Variants in ITCH observed in about 807,000 individuals in gnomAD.
ITCH encodes itchy E3 ubiquitin protein ligase.
A neutral mutation model predicts 126.8 loss-of-function variants in ITCH; 28 were observed. The ratio of observed to expected loss-of-function variants is 0.22; its 90% confidence interval spans 0.16 to 0.30. ITCH has a LOEUF of 0.30. Ranked by LOEUF, ITCH falls within the 10% of genes least tolerant of loss-of-function variation. The pLI is 1.00. For missense variants in ITCH, 631 were observed against 1,032.4 expected (o/e 0.61, Z 5.33); for synonymous variants, 342 against 340.0 (o/e 1.01, Z -0.06).
At chr20:34,462,532 G>A (rs1027261198) in intron 14 of ITCH, among the ~76,000 whole-genome samples, 2 of 152,048 alleles carry the variant, frequency 1.3e-5, no homozygotes, top group African/African-American at 2.4e-5. Flanking sequence ...ACTTTTTGAC[G>A]TTAAAAAAGC....
At chr20:34,368,446 T>G (rs1343143041) in intron 1 of ITCH, among the ~76,000 whole-genome samples, 2 of 151,914 alleles carry the variant, frequency 1.3e-5, no homozygotes, top group African/African-American at 4.8e-5. Context: ...TTTATAGTAC[T>G]TAGCCAAATT....
intron 2 of ITCH, among the ~76,000 whole-genome samples, chr20:34,382,685 G>A (rs1172567730): frequency 2.0e-5 from 3 of 150,996 alleles, no homozygotes; most frequent in Non-Finnish European, 2.9e-5. Flanking sequence ...TGGGATTATA[G>A]GTGTGAGCCA....
chr20:34,505,241 G>A (rs1324813678), intron 24 of ITCH, among the ~76,000 whole-genome samples: 1 of 152,032 alleles, frequency 6.6e-6, no homozygotes, highest in African/African-American at 2.4e-5. Context: ...ATGGGGTTTC[G>A]CCATGTTGGT....
chr20:34,499,637 C>A (rs75119639), intron 23 of ITCH, among the ~76,000 whole-genome samples: 1 of 146,664 alleles, frequency 6.8e-6, no homozygotes, highest in Admixed American at 6.8e-5. Context: ...AAAAAAAAAA[C>A]AACTTTTCAT....
At chr20:34,467,306 A>G (rs974284820) in intron 14 of ITCH, among the ~76,000 whole-genome samples, 1 of 152,186 alleles carries the variant, frequency 6.6e-6, no homozygotes, top group Non-Finnish European at 1.5e-5. Flanking sequence ...AGGTGGGCAG[A>G]TCACTTGAGC....
intron 3 of ITCH, among the ~76,000 whole-genome samples, chr20:34,395,198 A>C (rs907377296): frequency 1.3e-5 from 2 of 148,896 alleles, no homozygotes; most frequent in Non-Finnish European, 3.0e-5. Flanking sequence ...ATGCCATTGC[A>C]CTCCAGCCTG....
intron 23 of ITCH, among the ~76,000 whole-genome samples, chr20:34,499,617 A>C (rs1473239229): frequency 2.6e-5 from 2 of 77,560 alleles, no homozygotes; most frequent in Admixed American, 9.2e-5. Context: ...AATTTTGTTT[A>C]TCCTTTCAGA....
At position 34,418,757 on chromosome 20, in the gene ITCH, CTTTTT is replaced by C. The variant is rs373974620; in HGVS notation, c.475+4893_475+4897del. On this transcript the variant is annotated intron_variant, in intron 6 of 24. Coordinates refer to ENST00000374864, the MANE Select transcript of ITCH (RefSeq NM_031483.7). The stretch of plus-strand genomic sequence containing the variant: ...TCCTTTCTTTCTTTTTCTTTTTTTC[CTTTTT>C]TTTTTTTTTTTTTTGTGAGACGGGG... Among the ~76,000 whole-genome samples, 45 of 116,524 alleles carry C rather than the reference CTTTTT, an allele frequency of 3.9e-4. No individual in the cohort carries two copies. The South Asian group carries it at 4.7e-3, about 12-fold the overall frequency. 76.4% of individuals were successfully genotyped at this position (116,524 alleles called of 152,430 possible).
chr20:34,407,682 T>A (rs1168064657), intron 3 of ITCH, among the ~76,000 whole-genome samples: 1 of 152,174 alleles, frequency 6.6e-6, no homozygotes, highest in East Asian at 1.9e-4. Flanking sequence ...CTCATTTGCC[T>A]CTCTCTGGAA....
intron 3 of ITCH, 103 bp from the exon 4 acceptor site, chr20:34,408,548 C>T: frequency 1.8e-6 from 2 of 1,092,188 alleles, no homozygotes; most frequent in Non-Finnish European, 2.7e-6. Flanking sequence ...AAAACTGCTT[C>T]TCTGAGTAAA....
At chr20:34,394,956 GCACGGTGGCTCA>G (rs1223165495) in intron 3 of ITCH, among the ~76,000 whole-genome samples, 1 of 152,092 alleles carries the variant, frequency 6.6e-6, no homozygotes, top group African/African-American at 2.4e-5. Flanking sequence ...AGTCAGCCAG[GCACGGTGGCTCA>G]CACCTGTAAT....
intron 13 of ITCH, among the ~76,000 whole-genome samples, chr20:34,458,259 TCTG>T (rs1384813664): frequency 1.3e-5 from 2 of 152,140 alleles, no homozygotes; most frequent in Non-Finnish European, 2.9e-5. Context: ...TAAAAAATAT[TCTG>T]TTGTTGTTGC....
chr20:34,503,887 T>TG (rs1569012995), intron 23 of ITCH, among the ~76,000 whole-genome samples: 2 of 142,308 alleles, frequency 1.4e-5, no homozygotes, highest in African/African-American at 5.3e-5. Flanking sequence ...TTTTTTTGGT[T>TG]TTTTTTTTTT....
At position 34,426,551 on chromosome 20, in the gene ITCH, T is replaced by C. The variant is rs1205930297; in HGVS notation, c.521+2026T>C. On this transcript the variant is annotated intron_variant, in intron 7 of 24. Coordinates refer to ENST00000374864, the MANE Select transcript of ITCH (RefSeq NM_031483.7). ...ACCTCCATCTCCCGGGTTCAAGCGA[T>C]TCTCTTGCCTTAGCCTCTTGTGTAG... Among the ~76,000 whole-genome samples, 5 of 152,014 alleles carry C rather than the reference T, an allele frequency of 3.3e-5. No homozygotes were observed. In the East Asian group the frequency reaches 9.7e-4, roughly 29 times the overall value.
At chr20:34,421,745 C>T (rs1199808210) in intron 6 of ITCH, among the ~76,000 whole-genome samples, 1 of 152,144 alleles carries the variant, frequency 6.6e-6, no homozygotes, top group African/African-American at 2.4e-5. Flanking sequence ...TGGTGGCTCA[C>T]ACCTGTAATC....
At chr20:34,442,515 T>C (rs1444858446) in intron 10 of ITCH, among the ~76,000 whole-genome samples, 2 of 152,184 alleles carry the variant, frequency 1.3e-5, no homozygotes. Context: ...GCATATTTCT[T>C]TCTTCTTTTC....
At chr20:34,467,677 C>CTTT (rs1987200238) in intron 14 of ITCH, among the ~76,000 whole-genome samples, 2 of 130,678 alleles carry the variant, frequency 1.5e-5, no homozygotes, top group Non-Finnish European at 3.3e-5. Context: ...TTTTCTTTTT[C>CTTT]ATTTTTTTTT....
chr20:34,462,221 T>A lies in ITCH; in HGVS notation c.1424T>A (p.Leu475Gln), dbSNP rs1229807297. ...YIDPRTGKSA[L>Q]DNGPQIAYVR... is the part of the protein sequence containing the mutation. ...GATCCCCGCACAGGAAAATCTGCCC[T>A]GTAAGTTTTCTAAACATTGTAGATT... Residue 475 changes from leucine to glutamine, a missense_variant and splice_region_variant, in exon 14 of 25, where the codon CTA becomes CAA. By Grantham distance (113) the Leu-to-Gln change is moderately radical (BLOSUM62 -2). Transcript: ENST00000374864. The A allele has an allele frequency of 6.2e-7, 1 of 1,613,598 alleles. No individual in the cohort carries two copies. Among genetic ancestry groups the A allele is most frequent in the Admixed American group, 1.7e-5 (1 of 60,008 alleles).
intron 20 of ITCH, among the ~76,000 whole-genome samples, chr20:34,482,010 A>G (rs1988787386): frequency 6.6e-6 from 1 of 152,202 alleles, no homozygotes; most frequent in Non-Finnish European, 1.5e-5. Flanking sequence ...ACTCTGTCTC[A>G]AAACAAACAA....
Sources: allele counts gnomAD v4.1 joint callset (sites outside exome capture counted in the v4.1 genomes callset), GRCh38; gene constraint gnomAD v4.1.1; transcripts MANE v1.5; gene names NCBI Gene and HGNC (gene_info 2026-07-23, HGNC 2026-07-21).